Variants in TXNL4A observed in about 807,000 individuals in gnomAD.
TXNL4A encodes the protein thioredoxin-like protein 4A.
In TXNL4A, 17 loss-of-function variants were observed where a neutral mutation model predicts 14.6. That is an observed-to-expected ratio of 1.16 (90% confidence interval 0.80 to 1.74). TXNL4A has a LOEUF of 1.74. TXNL4A is among the 40% of genes most tolerant of loss of function. The pLI is 0.00. For synonymous variants in TXNL4A, 83 were observed against 70.6 expected (o/e 1.18, Z -0.88); for missense variants, 74 against 195.2 (o/e 0.38, Z 3.70).
rs192272119 is a variant in TXNL4A, at chr18:79,982,657, G to A, written c.154-4956C>T. Among the ~76,000 whole-genome samples the A allele has an allele frequency of 8.0e-3, 1,219 of 152,296 alleles. 19 individuals carry two copies. The highest frequency in any genetic ancestry group is 0.028 in the African/African-American group (1,147 of 41,564). On this transcript the variant is annotated intron_variant, in intron 1 of 2. Transcript: ENST00000269601. The surrounding 1 kb of genome is among the most constrained non-coding windows in gnomAD (Gnocchi z 4.0). The stretch of plus-strand genomic sequence containing the variant: ...CGATATGGGAACGGGGACACTGCAG[G>A]GGCTGAAGGACTGAGGAACAGAGGA...
At chr18:80,014,404 G>A (rs2051792691) in intron 1 of TXNL4A, among the ~76,000 whole-genome samples, 2 of 152,158 alleles carry the variant, frequency 1.3e-5, no homozygotes, top group East Asian at 3.9e-4. Context: ...TTCCAAATGG[G>A]AGAAACTGGC....
intron 1 of TXNL4A, among the ~76,000 whole-genome samples, chr18:79,981,217 A>G (rs557852586): frequency 4.6e-5 from 7 of 152,380 alleles, no homozygotes; most frequent in Admixed American, 3.9e-4. Context: ...TCACCATGCA[A>G]ATAATAAATT....
intron 1 of TXNL4A, among the ~76,000 whole-genome samples, chr18:80,023,718 G>T (rs1351366813): frequency 1.3e-5 from 2 of 152,138 alleles, no homozygotes; most frequent in African/African-American, 2.4e-5. Context: ...TAAAAATTTA[G>T]ACTAAAATAT....
chr18:79,995,987 C>T (rs2145099107), intron 1 of TXNL4A, among the ~76,000 whole-genome samples: 1 of 151,490 alleles, frequency 6.6e-6, no homozygotes, highest in Non-Finnish European at 1.5e-5. Context: ...GCCTGTAGTC[C>T]CAGCTACTTG....
At chr18:80,002,848 TTC>T (rs2051706588) in intron 1 of TXNL4A, among the ~76,000 whole-genome samples, 1 of 152,222 alleles carries the variant, frequency 6.6e-6, no homozygotes, top group African/African-American at 2.4e-5. Context: ...CGGCCCTGAA[TTC>T]TTTCTCACTG....
At chr18:79,983,013 CT>C (rs1230546340) in intron 1 of TXNL4A, among the ~76,000 whole-genome samples, 1 of 152,020 alleles carries the variant, frequency 6.6e-6, no homozygotes, top group Non-Finnish European at 1.5e-5. Context: ...TTTTTCTTTT[CT>C]TTTTTAGATG....
intron 1 of TXNL4A, among the ~76,000 whole-genome samples, chr18:80,007,065 G>T (rs1293694267): frequency 1.3e-5 from 2 of 152,038 alleles, no homozygotes; most frequent in Non-Finnish European, 2.9e-5. Context: ...CACCTATGCA[G>T]GCTTCCAGCT....
upstream of TXNL4A, among the ~76,000 whole-genome samples, chr18:79,992,383 G>T (rs1439260829): frequency 4.6e-5 from 7 of 152,144 alleles, no homozygotes; most frequent in African/African-American, 1.7e-4. Flanking sequence ...CATTTAATAG[G>T]GACTTATGTA....
chr18:79,996,958 G>T (rs753894903), intron 1 of TXNL4A, among the ~76,000 whole-genome samples: 44 of 152,142 alleles, frequency 2.9e-4, no homozygotes, highest in Middle Eastern at 6.8e-3. Flanking sequence ...GAAAAAACAA[G>T]ACCTGACATT....
chr18:80,003,908 T>C (rs1395391746), intron 1 of TXNL4A, among the ~76,000 whole-genome samples: 1 of 152,140 alleles, frequency 6.6e-6, no homozygotes, highest in Non-Finnish European at 1.5e-5. Context: ...ACTCACTCAC[T>C]ATCACAACAG....
rs114806184 is a variant in TXNL4A, at chr18:80,002,280, T to C, written c.-60-24579A>G. ...ATGGTCAAGGAATCTGCAAGCCCTG[T>C]GGCACATCTTAATCCGTTAGGTCCT... On this transcript the variant is annotated intron_variant, in intron 1 of 2. Transcript: ENST00000585474. 8.5e-3 allele frequency among the ~76,000 whole-genome samples: 1,292 copies of C among 152,306 alleles called. 18 individuals carry two copies. The highest frequency in any genetic ancestry group is 0.027 in the South Asian group (132 of 4,820).
chr18:79,988,124 G>C (rs573412082), intron 1 of TXNL4A, 116 bp downstream of exon 1: 1 of 1,235,758 alleles, frequency 8.1e-7, no homozygotes, highest in South Asian at 2.5e-5. Context: ...CCTGAACGAC[G>C]GAGCCGCGGC....
rs2051592625 is a variant in TXNL4A at position 79,988,501 on chromosome 18, G to A, written c.-109C>T. On this transcript the variant is annotated 5_prime_UTR_variant, in exon 1 of 3. Transcript: ENST00000269601. ...GGCCCCCGCCGCCCCCGGGCCCACG[G>A]ACGAAATCCGGTCCCGCCCGCACAC... 5.0e-6 allele frequency: 6 copies of A among 1,188,306 alleles called. No individual in the cohort carries two copies. Among genetic ancestry groups the A allele is most frequent in the Middle Eastern group, 3.3e-4 (1 of 3,066 alleles). 73.6% of individuals were successfully genotyped at this position (1,188,306 alleles called of 1,614,324 possible).
chr18:80,020,048 T>C (rs890404336), intron 1 of TXNL4A, among the ~76,000 whole-genome samples: 1 of 152,138 alleles, frequency 6.6e-6, no homozygotes, highest in African/African-American at 2.4e-5. Flanking sequence ...GTGATTGAAT[T>C]GTGGGGGCGG....
chr18:80,002,487 A>G (rs2051704433), intron 1 of TXNL4A, among the ~76,000 whole-genome samples: 1 of 152,240 alleles, frequency 6.6e-6, no homozygotes, highest in Non-Finnish European at 1.5e-5. Flanking sequence ...GTCCAAACTC[A>G]TGTAGAAAAG....
chr18:80,033,183 G>T (rs1204748000), intron 1 of TXNL4A, among the ~76,000 whole-genome samples: 2 of 152,028 alleles, frequency 1.3e-5, no homozygotes, highest in South Asian at 2.1e-4. Context: ...ACATACATAC[G>T]CATACACACA....
At chr18:80,021,810 C>T (rs1365701760) in intron 1 of TXNL4A, among the ~76,000 whole-genome samples, 1 of 152,178 alleles carries the variant, frequency 6.6e-6, no homozygotes, top group Non-Finnish European at 1.5e-5. Flanking sequence ...GCGGGTACTG[C>T]TTTTGGTTAC....
In TXNL4A at chr18:80,011,874, C is replaced by T. The variant is rs1003306020; in HGVS notation, c.-61+21977G>A. 6.6e-6 allele frequency among the ~76,000 whole-genome samples: 1 copy of T among 152,006 alleles called. No homozygotes were observed. Among genetic ancestry groups the T allele is most frequent in the African/African-American group, 2.4e-5 (1 of 41,372 alleles). On this transcript the variant is annotated intron_variant, in intron 1 of 2. Transcript: ENST00000585474. The surrounding 1 kb of genome is among the most constrained non-coding windows in gnomAD (Gnocchi z 4.1). ...TTAAAGATCTTAAGTAGTTTAGACA[C>T]ACGCCTTTGCTCGAGGAAATTCACA...
rs188136796 is a variant in TXNL4A, at chr18:80,006,453, T to C, written c.-61+27398A>G. The stretch of plus-strand genomic sequence containing the variant: ...GCAGTGGGGCGCCTCAGAGAGAGGA[T>C]TGAGCGCCCAGTGGTGGATTTTCCA... On this transcript the variant is annotated intron_variant, in intron 1 of 2. Transcript: ENST00000585474. 2.5e-3 allele frequency among the ~76,000 whole-genome samples: 376 copies of C among 152,230 alleles called. 1 individual carries two copies. Among genetic ancestry groups the C allele is most frequent in the African/African-American group, 8.6e-3 (356 of 41,526 alleles).
Sources: gnomAD v4.1 joint callset for allele counts (sites outside exome capture counted in the v4.1 genomes callset) on GRCh38, gnomAD v4.1.1 for gene constraint, Gnocchi (gnomAD v3.1) non-coding constraint, MANE v1.5 for transcripts, NCBI Gene and HGNC (gene_info 2026-07-23, HGNC 2026-07-21) for gene names.